BCOR: variants seen among roughly 807,000 people sequenced by gnomAD.
The protein encoded by BCOR is BCL-6 corepressor.
Under a neutral mutation model 86.7 loss-of-function variants are expected in BCOR, and 10 were observed. The ratio of observed to expected loss-of-function variants is 0.12; its 90% CI spans 0.07 to 0.20. The LOEUF is 0.20. Among genes scored for constraint, BCOR ranks in the 10% least tolerant of loss-of-function variants. The pLI, the probability that BCOR is intolerant of heterozygous loss-of-function variation, is 1.00. For synonymous variants in BCOR, 611 were observed against 609.0 expected, an observed-to-expected ratio of 1.00 and a Z score of -0.05; for missense variants, 1,259 against 1,452.1, an observed-to-expected ratio of 0.87 and a Z score of 2.16.
In BCOR at chrX:40,054,019, C is replaced by G. The variant is rs1242071159; in HGVS notation, c.4843G>C (p.Asp1615His). 3 of 1,209,819 alleles carry G rather than the reference C, an allele frequency of 2.5e-6. No homozygotes were observed. Among genetic ancestry groups the G allele is most frequent in the Non-Finnish European group, 3.4e-6 (3 of 895,060 alleles). ...GGTCCTGGGGGGTTGGCTAAAACATCATAGCCACTTTCATCATCTGGTTCT... is the reference window on the plus strand; with the variant it reads ...GGTCCTGGGGGGTTGGCTAAAACATGATAGCCACTTTCATCATCTGGTTCT... ...VCEPDDESGY[D>H]VLANPPGPED... The change falls in exon 14 of 15, where the codon GAT (aspartate) becomes CAT (histidine). Residue 1615 changes from aspartate to histidine, a missense_variant. Coordinates refer to ENST00000378444, the MANE Select transcript of BCOR (RefSeq NM_001123385.2).
chrX:40,172,124 G>A (rs1203586349), intron 1 of BCOR, among the ~76,000 whole-genome samples: 1 of 112,575 alleles, frequency 8.9e-6, no homozygotes, highest in African/African-American at 3.2e-5. Flanking sequence ...CACCCACACC[G>A]ACCCGCGGCA....
chrX:40,103,406 G>A (rs1393508525), intron 1 of BCOR, among the ~76,000 whole-genome samples: 1 of 111,311 alleles, frequency 9.0e-6, no homozygotes, highest in East Asian at 2.8e-4. Flanking sequence ...AGGAGGATGT[G>A]TCTAGAGGAG....
chrX:40,133,707 G>A lies in BCOR; in HGVS notation c.-41+43300C>T, dbSNP rs189716604. 3.8e-3 allele frequency among the ~76,000 whole-genome samples: 410 copies of A among 106,838 alleles called. 4 individuals are homozygous for A. The highest frequency in any genetic ancestry group is 0.013 in the African/African-American group (388 of 29,975). 92.8% of individuals were successfully genotyped at this position (106,838 alleles called of 115,157 possible). A position where few individuals can be genotyped will look rare whatever the true frequency, so the allele number is the denominator to read the frequency against. On this transcript the variant is annotated intron_variant, in intron 1 of 14. Coordinates refer to the BCOR transcript ENST00000342274. ...AATCTCCTGACCTCGTGCTCTGCCC[G>A]CCTCGGCCTCCCAAAGTGCTGGGAT...
chrX:40,152,640 G>A lies in BCOR; in HGVS notation c.-41+24367C>T, dbSNP rs1000629003. Among the ~76,000 whole-genome samples, 3 of 112,735 alleles carry A rather than the reference G, an allele frequency of 2.7e-5. No homozygotes were observed. In the East Asian group the frequency reaches 8.4e-4, roughly 32 times the overall value. On this transcript the variant is annotated intron_variant, in intron 1 of 14. Transcript: ENST00000342274. ...GAGGCTTTTGTGGCCAAGCCTAGGG[G>A]AAGGGGGTCCCCACCCCACCCCCAG...
At chrX:40,100,737 C>A (rs1937057459), upstream of BCOR, among the ~76,000 whole-genome samples, 1 of 108,265 alleles carries the variant, frequency 9.2e-6, no homozygotes, top group Admixed American at 9.8e-5. Context: ...AAAAAAAAGT[C>A]CTAGAGTTAA....
chrX:40,063,021 T>C lies in BCOR; in HGVS notation c.3898A>G (p.Ser1300Gly), dbSNP rs1259963593. 1.8e-6 allele frequency: 2 copies of C among 1,126,281 alleles called. No individual in the cohort carries two copies. The highest frequency in any genetic ancestry group is 3.8e-5 in the South Asian group (2 of 52,060). The allele number at this position is 1,126,281 out of a possible 1,213,427, so 92.8% of individuals were successfully genotyped here. The change falls in exon 9 of 15, where the codon AGT (serine) becomes GGT (glycine). Residue 1300 changes from serine (S) to glycine (G), a missense_variant. By Grantham distance (56) the Ser-to-Gly change is moderately conservative (BLOSUM62 0). Around this residue, in one of 7 missense-constraint regions of BCOR, gnomAD observed 305 missense variants for 286.1 expected, o/e 1.07. Coordinates refer to ENST00000378444, the MANE Select transcript of BCOR (RefSeq NM_001123385.2). ...SPPMKSLSST[S>G]AGGKKQAQPS... ...TGAGCCTGCTTTTTGCCGCCTGCAC[T>C]GGTGGATGAAAGACTCTTCATGGGC...
At chrX:40,168,450 G>T (rs900994642) in intron 1 of BCOR, among the ~76,000 whole-genome samples, 1 of 113,111 alleles carries the variant, frequency 8.8e-6, no homozygotes, top group African/African-American at 3.2e-5. Flanking sequence ...AGCCTAAGTG[G>T]AACCTGAAAC....
intron 6 of BCOR, among the ~76,000 whole-genome samples, chrX:40,066,344 G>A (rs967929919): frequency 3.6e-5 from 4 of 111,655 alleles, no homozygotes; most frequent in Admixed American, 9.5e-5. Context: ...GCCTGGGGAC[G>A]CAAAGAGGGT....
At chrX:40,094,182 C>G (rs1387140718) in intron 1 of BCOR, among the ~76,000 whole-genome samples, 2 of 111,694 alleles carry the variant, frequency 1.8e-5, no homozygotes, top group Non-Finnish European at 3.8e-5. Context: ...CCACCCAGCT[C>G]GCTGGGCCCG....
At chrX:40,120,756 G>T (rs930605974) in intron 1 of BCOR, among the ~76,000 whole-genome samples, 1 of 112,267 alleles carries the variant, frequency 8.9e-6, no homozygotes, top group South Asian at 3.6e-4. Flanking sequence ...GAGAGAGATG[G>T]GCGATAAGCA....
At chrX:40,151,628 T>C (rs1378917223) in intron 1 of BCOR, among the ~76,000 whole-genome samples, 1 of 112,977 alleles carries the variant, frequency 8.9e-6, no homozygotes, top group African/African-American at 3.2e-5. Flanking sequence ...CACCACCAAG[T>C]TGCCGGCAGA....
At chrX:40,174,412 G>C (rs1033703846) in intron 1 of BCOR, among the ~76,000 whole-genome samples, 1 of 112,238 alleles carries the variant, frequency 8.9e-6, no homozygotes, top group African/African-American at 3.2e-5. Context: ...TCCAGTTCTC[G>C]AGCGCCACCC....
chrX:40,110,250 G>A (rs1324167884), intron 1 of BCOR, among the ~76,000 whole-genome samples: 1 of 111,064 alleles, frequency 9.0e-6, no homozygotes, highest in African/African-American at 3.3e-5. Context: ...GTCTATTAGG[G>A]GAAGTAATGT....
chrX:40,173,420 T>C (rs147830781), intron 1 of BCOR, among the ~76,000 whole-genome samples: 15,288 of 111,904 alleles, frequency 0.14, 798 homozygotes, highest in Middle Eastern at 0.17. Flanking sequence ...TGTTTGTTAC[T>C]ATGATCTGGC....
At chrX:40,109,772 G>T (rs1937267398) in intron 1 of BCOR, among the ~76,000 whole-genome samples, 1 of 113,070 alleles carries the variant, frequency 8.8e-6, no homozygotes, top group East Asian at 2.8e-4. Context: ...GGCGAATCCC[G>T]CTGCGGGAGC....
intron 1 of BCOR, among the ~76,000 whole-genome samples, chrX:40,143,348 G>A (rs887347906): frequency 8.9e-6 from 1 of 112,277 alleles, no homozygotes; most frequent in Non-Finnish European, 1.9e-5. Context: ...AAATTAGAAA[G>A]GTCTTTGAAT....
chrX:40,067,352 A>G (rs1288939226), intron 6 of BCOR, among the ~76,000 whole-genome samples: 7 of 111,769 alleles, frequency 6.3e-5, no homozygotes, highest in African/African-American at 2.3e-4. Context: ...AAAGCTGCCC[A>G]GTGGGGGTGG....
chrX:40,116,818 C>T (rs1459490122), intron 1 of BCOR, among the ~76,000 whole-genome samples: 2 of 112,594 alleles, frequency 1.8e-5, no homozygotes, highest in African/African-American at 3.2e-5. Flanking sequence ...CCTGAGGACA[C>T]GATGGGCAAT....
intron 1 of BCOR, among the ~76,000 whole-genome samples, chrX:40,120,965 G>T (rs372756000): frequency 9.0e-6 from 1 of 111,530 alleles, no homozygotes; most frequent in South Asian, 3.8e-4. Context: ...AGCAAGCCAA[G>T]ATTTCTGAGG....
Sources: allele counts gnomAD v4.1 joint callset (sites outside exome capture counted in the v4.1 genomes callset), GRCh38; gene constraint gnomAD v4.1.1; regional missense constraint gnomAD v4.1.1; transcripts MANE v1.5; gene names NCBI Gene and HGNC (gene_info 2026-07-23, HGNC 2026-07-21).